Variants in KCNK2 observed in about 807,000 individuals in gnomAD.
The protein encoded by KCNK2 is potassium channel subfamily K member 2.
Under a neutral mutation model 40.5 loss-of-function variants are expected in KCNK2, and 21 were observed. That is an observed-to-expected ratio of 0.52 (90% CI 0.37 to 0.75). KCNK2 has a LOEUF of 0.75. KCNK2 is among the 30% of genes least tolerant of loss of function. The pLI is 0.00. For missense variants in KCNK2, 399 were observed against 531.6 expected, an observed-to-expected ratio of 0.75 and a Z score of 2.45; for synonymous variants, 191 against 202.2, an observed-to-expected ratio of 0.94 and a Z score of 0.47.
At chr1:215,146,488 C>G (rs1662421722) in intron 3 of KCNK2, among the ~76,000 whole-genome samples, 1 of 152,084 alleles carries the variant, frequency 6.6e-6, no homozygotes, top group African/African-American at 2.4e-5. Flanking sequence ...GTTTCTGGGC[C>G]AAGAGGAAGT....
intron 6 of KCNK2, among the ~76,000 whole-genome samples, chr1:215,204,260 AC>A (rs1407742879): frequency 6.6e-6 from 1 of 151,638 alleles, no homozygotes; most frequent in African/African-American, 2.4e-5. Flanking sequence ...CAGGAAGATT[AC>A]TTTTGTTTTC....
chr1:215,155,969 G>A (rs1015489254), intron 3 of KCNK2, among the ~76,000 whole-genome samples: 1 of 151,988 alleles, frequency 6.6e-6, no homozygotes, highest in Non-Finnish European at 1.5e-5. Context: ...TTATCCATTA[G>A]TTAATAAGGA....
chr1:215,072,328 A>C (rs532912200), intron 1 of KCNK2, among the ~76,000 whole-genome samples: 29 of 152,350 alleles, frequency 1.9e-4, no homozygotes, highest in African/African-American at 6.5e-4. Context: ...TCATGGCTGA[A>C]GGTGAATGAG....
At chr1:215,139,875 A>G (rs1662097082) in intron 3 of KCNK2, among the ~76,000 whole-genome samples, 1 of 152,184 alleles carries the variant, frequency 6.6e-6, no homozygotes, top group South Asian at 2.1e-4. Flanking sequence ...ATATGGTAAT[A>G]TGTGATTAAC....
intron 1 of KCNK2, among the ~76,000 whole-genome samples, chr1:215,062,625 T>G (rs1345911999): frequency 6.6e-6 from 1 of 151,150 alleles, no homozygotes; most frequent in Non-Finnish European, 1.5e-5. Context: ...TGTTTTAGGC[T>G]TAGAGTTTTA....
chr1:215,103,999 T>G (rs771017572), intron 2 of KCNK2, among the ~76,000 whole-genome samples: 14 of 152,056 alleles, frequency 9.2e-5, no homozygotes, highest in Non-Finnish European at 1.3e-4. Context: ...GATGAGTGTT[T>G]TTGAGTCTAA....
chr1:215,136,013 G>A (rs1483826466), intron 3 of KCNK2, among the ~76,000 whole-genome samples: 2 of 152,156 alleles, frequency 1.3e-5, no homozygotes, highest in African/African-American at 2.4e-5. Flanking sequence ...GATTACAGGC[G>A]TTAGCCACCG....
At chr1:215,215,286 T>C (rs75885324) in intron 6 of KCNK2, among the ~76,000 whole-genome samples, 2,056 of 152,112 alleles carry the variant, frequency 0.014, 53 homozygotes, top group African/African-American at 0.046. Flanking sequence ...TGTCTTTGCT[T>C]CTCCTCTGCC....
chr1:215,023,835 T>A (rs554115288), intron 1 of KCNK2, among the ~76,000 whole-genome samples: 18 of 152,248 alleles, frequency 1.2e-4, no homozygotes, highest in African/African-American at 4.1e-4. Flanking sequence ...TTATCTGAGA[T>A]GTGTCCAACC....
chr1:215,100,155 G>A (rs1660146339), intron 2 of KCNK2, among the ~76,000 whole-genome samples: 6 of 151,866 alleles, frequency 4.0e-5, no homozygotes, highest in Admixed American at 3.9e-4. Context: ...TCTTCTAGAT[G>A]TGGAGGGGAA....
chr1:215,219,786 C>T (rs1649654297), intron 6 of KCNK2, among the ~76,000 whole-genome samples: 1 of 152,120 alleles, frequency 6.6e-6, no homozygotes, highest in South Asian at 2.1e-4. Flanking sequence ...TGCCGTAATC[C>T]AATGGGTTAT....
intron 6 of KCNK2, among the ~76,000 whole-genome samples, chr1:215,209,494 T>TATATATAATAC (rs1665528010): frequency 2.3e-5 from 1 of 43,926 alleles, no homozygotes; most frequent in Non-Finnish European, 5.0e-5. Context: ...AATACATATA[T>TATATATAATAC]ATAATATATA....
chr1:215,105,828 A>G (rs1178733316), intron 2 of KCNK2, among the ~76,000 whole-genome samples: 1 of 152,040 alleles, frequency 6.6e-6, no homozygotes, highest in East Asian at 1.9e-4. Context: ...TCCTACTTAT[A>G]AGTGAGAACA....
intron 2 of KCNK2, among the ~76,000 whole-genome samples, chr1:215,112,174 T>C (rs537645327): frequency 3.3e-5 from 5 of 152,058 alleles, no homozygotes; most frequent in Non-Finnish European, 7.4e-5. Flanking sequence ...TTTTGGAAAG[T>C]CTGCTTGCTG....
At chr1:215,146,188 C>T (rs965445767) in intron 3 of KCNK2, among the ~76,000 whole-genome samples, 2 of 152,086 alleles carry the variant, frequency 1.3e-5, no homozygotes, top group African/African-American at 4.8e-5. Flanking sequence ...CAGGAAACAG[C>T]TGGGAAAGTT....
rs1445702552 is a variant in KCNK2, at chr1:215,005,890, A to C, written c.-32A>C. On this transcript the variant is annotated 5_prime_UTR_variant, in exon 1 of 7. Transcript: ENST00000391895. ...AGGAAGAACGGCATTAAAGATCAAA[A>C]GCATGATGACTCCTGATGAAAACAT... 4 of 1,609,740 alleles carry C rather than the reference A, an allele frequency of 2.5e-6. No individual in the cohort carries two copies. In the Admixed American group the frequency reaches 6.7e-5, roughly 27 times the overall value.
At chr1:215,078,826 T>C (rs1659045408), upstream of KCNK2, among the ~76,000 whole-genome samples, 1 of 152,220 alleles carries the variant, frequency 6.6e-6, no homozygotes, top group African/African-American at 2.4e-5. Flanking sequence ...AAAAAGTGAC[T>C]TCTTCAAATT....
chr1:215,080,686 C>G (rs1382800970), upstream of KCNK2, among the ~76,000 whole-genome samples: 1 of 152,068 alleles, frequency 6.6e-6, no homozygotes, highest in Non-Finnish European at 1.5e-5. Flanking sequence ...CATCATGTGA[C>G]AAGTATAAAG....
chr1:215,235,441 C>T lies in KCNK2; in HGVS notation c.*296C>T. On this transcript the variant is annotated 3_prime_UTR_variant, in exon 7 of 7. Transcript: ENST00000444842. ...CTCTTTCCCTAATGTGCCATAAGGC[C>T]TCAGAATGAATGAGAATTGTTTCTG... 3.3e-6 allele frequency: 1 copy of T among 303,542 alleles called. No individual in the cohort carries two copies. Among genetic ancestry groups the T allele is most frequent in the Non-Finnish European group, 6.2e-6 (1 of 161,578 alleles). 18.8% of individuals were successfully genotyped at this position (303,542 alleles called of 1,614,324 possible).
Sources: allele counts gnomAD v4.1 joint callset (sites outside exome capture counted in the v4.1 genomes callset), GRCh38; gene constraint gnomAD v4.1.1; transcripts MANE v1.5; gene names NCBI Gene and HGNC (gene_info 2026-07-23, HGNC 2026-07-21).